The following NAALADL2 variants were observed in gnomAD, a reference collection of about 807,000 sequenced individuals.
NAALADL2 encodes the protein inactive N-acetylated-alpha-linked acidic dipeptidase-like protein 2.
Under a neutral mutation model 87.2 loss-of-function variants are expected in NAALADL2, and 76 were observed. The ratio of observed to expected loss-of-function variants is 0.87; its 90% CI spans 0.72 to 1.05. The LOEUF is 1.05. Ranked by LOEUF, NAALADL2 falls within the 50% of genes least tolerant of loss-of-function variation. The pLI, the probability that NAALADL2 is intolerant of heterozygous loss-of-function variation, is 0.00. For missense variants in NAALADL2, 1,089 were observed against 945.8 expected, an observed-to-expected ratio of 1.15 and a Z score of -1.99; for synonymous variants, 354 against 331.0, an observed-to-expected ratio of 1.07 and a Z score of -0.75.
At chr3:174,755,410 G>A (rs1350538221) in intron 3 of NAALADL2, among the ~76,000 whole-genome samples, 1 of 152,142 alleles carries the variant, frequency 6.6e-6, no homozygotes, top group East Asian at 1.9e-4. Flanking sequence ...GCTAATGAAT[G>A]TCCTCATTTG....
chr3:174,540,474 C>T (rs1315094156), intron 1 of NAALADL2, among the ~76,000 whole-genome samples: 2 of 152,146 alleles, frequency 1.3e-5, no homozygotes, highest in African/African-American at 2.4e-5. Flanking sequence ...CAAGTTTTCT[C>T]TTTAAGTTAC....
chr3:174,968,442 TA>T (rs1041211129), intron 1 of NAALADL2, among the ~76,000 whole-genome samples: 1 of 152,024 alleles, frequency 6.6e-6, no homozygotes, highest in African/African-American at 2.4e-5. Flanking sequence ...ACACAACTAG[TA>T]AGTAGCTGGA....
intron 1 of NAALADL2, among the ~76,000 whole-genome samples, chr3:174,930,237 C>T (rs1268897252): frequency 6.6e-6 from 1 of 152,058 alleles, no homozygotes; most frequent in African/African-American, 2.4e-5. Context: ...TTTAAAACCA[C>T]AGGAAAAATA....
At chr3:174,910,180 CAT>C (rs1235938999) in intron 1 of NAALADL2, among the ~76,000 whole-genome samples, 2 of 151,726 alleles carry the variant, frequency 1.3e-5, no homozygotes, top group Non-Finnish European at 2.9e-5. Flanking sequence ...ATATATATCA[CAT>C]AGAGATCGTC....
At position 174,561,630 on chromosome 3, in the gene NAALADL2, G is replaced by A. The variant is rs78524184; in HGVS notation, c.-115+10993G>A. Reference sequence around the variant, plus strand: ...AGAAGATTCTTGCTAAACTGACTTAGCAAAGTTGTTTGCTGCAACTGGATT... The same window carrying A: ...AGAAGATTCTTGCTAAACTGACTTAACAAAGTTGTTTGCTGCAACTGGATT... On this transcript the variant is annotated intron_variant, in intron 2 of 3. Transcript: ENST00000434257. Among the ~76,000 whole-genome samples, 776 of 152,222 alleles carry A rather than the reference G, an allele frequency of 5.1e-3. 3 individuals are homozygous for A. Among genetic ancestry groups the A allele is most frequent in the African/African-American group, 0.018 (741 of 41,536 alleles).
intron 1 of NAALADL2, among the ~76,000 whole-genome samples, chr3:174,976,659 A>G (rs572522121): frequency 5.3e-5 from 8 of 152,340 alleles, no homozygotes; most frequent in Admixed American, 4.6e-4. Context: ...ACCCAAACTC[A>G]TTCTCTGCTT....
intron 9 of NAALADL2, among the ~76,000 whole-genome samples, chr3:175,531,779 T>C (rs1167806738): frequency 1.3e-5 from 2 of 152,160 alleles, no homozygotes; most frequent in African/African-American, 2.4e-5. Context: ...ACAGCTGCAA[T>C]TGGAGTCACC....
intron 4 of NAALADL2, among the ~76,000 whole-genome samples, chr3:175,259,056 T>C (rs1750570811): frequency 6.6e-6 from 1 of 152,166 alleles, no homozygotes; most frequent in East Asian, 1.9e-4. Context: ...TCAAGTAAAT[T>C]GCAGTAGGTA....
intron 5 of NAALADL2, among the ~76,000 whole-genome samples, chr3:175,355,968 G>T (rs183878648): frequency 1.7e-3 from 259 of 152,218 alleles, no homozygotes; most frequent in Non-Finnish European, 3.0e-3. Flanking sequence ...AGCACAAGTA[G>T]GGAGAACATG....
chr3:175,411,755 G>T lies in NAALADL2; in HGVS notation c.1091-35474G>T, dbSNP rs566587477. Among the ~76,000 whole-genome samples, 5 of 152,142 alleles carry T rather than the reference G, an allele frequency of 3.3e-5. No homozygotes were observed. The South Asian group carries it at 8.3e-4, about 25-fold the overall frequency. On this transcript the variant is annotated intron_variant, in intron 5 of 13. Coordinates refer to ENST00000454872, the MANE Select transcript of NAALADL2 (RefSeq NM_207015.3). ...TCAGAAACAAAAGTATTTTAATTTT[G>T]TCTGGTAATGAACTATTTTAAAAAC...
At chr3:174,813,477 C>G (rs73174760) in intron 3 of NAALADL2, among the ~76,000 whole-genome samples, 16 of 152,200 alleles carry the variant, frequency 1.1e-4, no homozygotes, top group Non-Finnish European at 1.6e-4. Flanking sequence ...TAATAAAAGG[C>G]TGTAGAGGTT....
Position 174,994,662 on chromosome 3 carries a change from G to A in NAALADL2, c.44-102128G>A, listed in dbSNP as rs1579921090. Among the ~76,000 whole-genome samples the A allele has an allele frequency of 4.0e-5, 6 of 149,874 alleles. No homozygotes were observed. In the South Asian group the frequency reaches 1.4e-3, roughly 35 times the overall value. On this transcript the variant is annotated intron_variant, in intron 1 of 13. Coordinates refer to ENST00000454872, the MANE Select transcript of NAALADL2 (RefSeq NM_207015.3). The stretch of plus-strand genomic sequence containing the variant: ...AATGACCACAGAGCAATATGTAAGA[G>A]AATAGTAAAAACGACTGGTAATGGA...
chr3:175,001,747 A>T (rs1748263291), intron 1 of NAALADL2, among the ~76,000 whole-genome samples: 1 of 152,152 alleles, frequency 6.6e-6, no homozygotes, highest in African/African-American at 2.4e-5. Context: ...TCAGCAATTT[A>T]TTTTCAACTG....
intron 5 of NAALADL2, among the ~76,000 whole-genome samples, chr3:175,442,400 G>T (rs1719942943): frequency 6.6e-6 from 1 of 152,092 alleles, no homozygotes; most frequent in Admixed American, 6.6e-5. Flanking sequence ...GCGTGAAATA[G>T]AATTAAGGAT....
At chr3:175,638,868 A>G (rs2149751572) in intron 11 of NAALADL2, among the ~76,000 whole-genome samples, 1 of 152,294 alleles carries the variant, frequency 6.6e-6, no homozygotes, top group Middle Eastern at 3.4e-3. Context: ...TAAAATATTG[A>G]CCCTGCCAAC....
chr3:174,700,032 T>G (rs1235402610), intron 2 of NAALADL2, among the ~76,000 whole-genome samples: 1 of 152,078 alleles, frequency 6.6e-6, no homozygotes. Context: ...CCAGACTAGT[T>G]ACTGTGTTTG....
At chr3:175,378,243 G>T (rs916799784) in intron 5 of NAALADL2, among the ~76,000 whole-genome samples, 2 of 152,152 alleles carry the variant, frequency 1.3e-5, no homozygotes, top group African/African-American at 4.8e-5. Flanking sequence ...ACTCCCACAA[G>T]GGGTGGAGCA....
intron 11 of NAALADL2, among the ~76,000 whole-genome samples, chr3:175,659,375 T>G (rs1189476035): frequency 6.6e-6 from 1 of 152,160 alleles, no homozygotes; most frequent in African/African-American, 2.4e-5. Context: ...AAAATTTTGT[T>G]AGAGTTTAAA....
intron 3 of NAALADL2, among the ~76,000 whole-genome samples, chr3:174,841,023 C>A (rs1723967203): frequency 6.9e-6 from 1 of 145,698 alleles, no homozygotes; most frequent in African/African-American, 2.5e-5. Context: ...GCATGTTATG[C>A]CACTTTGACT....
Sources: gnomAD v4.1 joint callset for allele counts (sites outside exome capture counted in the v4.1 genomes callset) on GRCh38, gnomAD v4.1.1 for gene constraint, MANE v1.5 for transcripts, NCBI Gene and HGNC (gene_info 2026-07-23, HGNC 2026-07-21) for gene names.